Variants in DAW1 observed in about 807,000 individuals in gnomAD.
The protein encoded by DAW1 is dynein assembly factor with WD repeat domains 1.
In DAW1, 47 loss-of-function variants were observed where a neutral mutation model predicts 56.5. That is an observed-to-expected ratio of 0.83 (90% CI 0.66 to 1.06). DAW1 has a LOEUF of 1.06. Among genes scored for constraint, DAW1 ranks in the 50% least tolerant of loss-of-function variants. The pLI, the probability that DAW1 is intolerant of heterozygous loss-of-function variation, is 0.00. For missense variants in DAW1, 505 were observed against 499.3 expected (o/e 1.01, Z -0.11); for synonymous variants, 190 against 179.0 (o/e 1.06, Z -0.49).
intron 2 of DAW1, among the ~76,000 whole-genome samples, chr2:227,887,349 G>C (rs995499325): frequency 1.3e-5 from 2 of 152,164 alleles, no homozygotes; most frequent in African/African-American, 4.8e-5. Context: ...CTAGCATGCA[G>C]GAAGTTTCTT....
rs761876327 is a variant in DAW1 at position 227,889,910 on chromosome 2, A to G, written c.168A>G (p.Thr56=). 6.2e-7 allele frequency: 1 copy of G among 1,611,166 alleles called. No homozygotes were observed. Among genetic ancestry groups the G allele is most frequent in the African/African-American group, 1.3e-5 (1 of 74,880 alleles). Residue 56 remains threonine, a synonymous_variant, in exon 3 of 13, where the codon ACA becomes ACG. Coordinates refer to ENST00000309931, the MANE Select transcript of DAW1 (RefSeq NM_178821.3). ...EEIQKAEPLL[T]ASRTEQVKLL... The stretch of plus-strand genomic sequence containing the variant: ...TCCAGAAGGCAGAACCTCTACTCAC[A>G]GCTTCACGAACAGAGCAAGTCAAAC...
intron 1 of DAW1, among the ~76,000 whole-genome samples, chr2:227,875,177 A>G (rs1336024808): frequency 1.3e-5 from 2 of 151,984 alleles, no homozygotes; most frequent in East Asian, 3.9e-4. Context: ...TCTCTCTCTC[A>G]TCTCCACATC....
intron 10 of DAW1, among the ~76,000 whole-genome samples, chr2:227,907,759 G>C (rs1691721173): frequency 6.6e-6 from 1 of 152,162 alleles, no homozygotes; most frequent in African/African-American, 2.4e-5. Context: ...TGTTGGCCAG[G>C]CTGGTCTCGA....
chr2:227,889,776 A>G (rs1466111755), intron 2 of DAW1, 80 bp from the exon 3 acceptor site: 4 of 1,194,628 alleles, frequency 3.3e-6, no homozygotes, highest in Non-Finnish European at 4.5e-6. Context: ...ATGAAGCAAT[A>G]CAATCAATTC....
chr2:227,920,566 G>A (rs1692081222), intron 11 of DAW1, among the ~76,000 whole-genome samples: 1 of 152,156 alleles, frequency 6.6e-6, no homozygotes, highest in South Asian at 2.1e-4. Flanking sequence ...TACTTGGGGT[G>A]GCAGTAGATG....
At chr2:227,922,466 G>T (rs1480140603) in intron 12 of DAW1, among the ~76,000 whole-genome samples, 1 of 152,234 alleles carries the variant, frequency 6.6e-6, no homozygotes, top group Non-Finnish European at 1.5e-5. Context: ...GGCCTTGGCA[G>T]GGAATGGGTG....
chr2:227,913,656 T>C (rs1691880730), intron 10 of DAW1, among the ~76,000 whole-genome samples: 1 of 152,184 alleles, frequency 6.6e-6, no homozygotes, highest in African/African-American at 2.4e-5. Context: ...ATCCCACTGA[T>C]AACCATGTGA....
intron 3 of DAW1, among the ~76,000 whole-genome samples, chr2:227,890,252 A>G (rs538137270): frequency 6.6e-6 from 1 of 152,006 alleles, no homozygotes; most frequent in Non-Finnish European, 1.5e-5. Flanking sequence ...TTAAAGGGTT[A>G]TTATTATTAA....
chr2:227,885,240 A>C lies in DAW1; in HGVS notation c.41-111A>C, dbSNP rs1029462916. 8.3e-6 allele frequency: 6 copies of C among 721,464 alleles called. No homozygotes were observed. The African/African-American group carries it at 1.1e-4, about 13-fold the overall frequency. 44.7% of individuals were successfully genotyped at this position (721,464 alleles called of 1,614,324 possible). A position where few individuals can be genotyped will look rare whatever the true frequency, so the allele number is the denominator to read the frequency against. On this transcript the variant is annotated intron_variant, in intron 1 of 12. Coordinates refer to ENST00000309931, the MANE Select transcript of DAW1 (RefSeq NM_178821.3). ...GATATCACTGCTTATTTTTTGTTAA[A>C]AAATTAAAAATTTTAAAAATAAAAA...
chr2:227,924,312 A>G lies in DAW1; in HGVS notation c.*344A>G, dbSNP rs1487054121. ...GGATTTTACTTTGAAGCCTATTGTT[A>G]TAATTTCTGTTGAATAAAGTGTTTG... On this transcript the variant is annotated 3_prime_UTR_variant, in exon 13 of 13. Coordinates refer to ENST00000309931, the MANE Select transcript of DAW1 (RefSeq NM_178821.3). The G allele has an allele frequency of 1.4e-5, 4 of 278,996 alleles. No individual in the cohort carries two copies. Among genetic ancestry groups the G allele is most frequent in the Non-Finnish European group, 2.7e-5 (4 of 147,340 alleles). The allele number at this position is 278,996 out of a possible 1,614,324, so 17.3% of individuals were successfully genotyped here.
intron 11 of DAW1, among the ~76,000 whole-genome samples, chr2:227,921,008 GACACCA>G (rs539430582): frequency 7.4e-4 from 112 of 152,296 alleles, no homozygotes; most frequent in African/African-American, 2.6e-3. Flanking sequence ...CCACAAAGAT[GACACCA>G]GGGTTTGGCT....
intron 11 of DAW1, among the ~76,000 whole-genome samples, chr2:227,920,066 G>A (rs1258204301): frequency 6.6e-6 from 1 of 152,166 alleles, no homozygotes. Context: ...GGATGAGGAG[G>A]AAGCCTGGCC....
At chr2:227,909,262 A>G (rs57822202) in intron 10 of DAW1, among the ~76,000 whole-genome samples, 9 of 139,692 alleles carry the variant, frequency 6.4e-5, no homozygotes, top group East Asian at 2.1e-4. Flanking sequence ...CTATCTATCT[A>G]TCTATCTATC....
chr2:227,905,475 T>G (rs1484350352), intron 8 of DAW1, among the ~76,000 whole-genome samples: 2 of 152,204 alleles, frequency 1.3e-5, no homozygotes, highest in African/African-American at 4.8e-5. Context: ...ATATTTGTGT[T>G]GGAAAACTCT....
At chr2:227,906,431 T>G (rs1691684623) in intron 9 of DAW1, 93 bp downstream of exon 9, 1 of 848,852 alleles carries the variant, frequency 1.2e-6, no homozygotes, top group Non-Finnish European at 1.7e-6. Flanking sequence ...ATTTCAAAGA[T>G]GATATAAAAT....
chr2:227,918,892 T>C (rs1422188684), intron 11 of DAW1, 36 bp downstream of exon 11: 2 of 1,608,264 alleles, frequency 1.2e-6, no homozygotes, highest in East Asian at 4.5e-5. Flanking sequence ...GTTTATTTAC[T>C]TTCAAAAAAT....
At chr2:227,910,117 C>A (rs1691779647) in intron 10 of DAW1, among the ~76,000 whole-genome samples, 1 of 152,024 alleles carries the variant, frequency 6.6e-6, no homozygotes, top group South Asian at 2.1e-4. Context: ...TGATATTGTA[C>A]TATGACAATT....
At chr2:227,907,613 T>A (rs1393973460) in intron 10 of DAW1, among the ~76,000 whole-genome samples, 1 of 152,170 alleles carries the variant, frequency 6.6e-6, no homozygotes, top group African/African-American at 2.4e-5. Context: ...AGTGGTGCGA[T>A]CTCGGCTCAA....
intron 5 of DAW1, among the ~76,000 whole-genome samples, chr2:227,896,407 T>A (rs774272976): frequency 1.4e-4 from 22 of 151,942 alleles, no homozygotes; most frequent in Admixed American, 1.4e-3. Context: ...GTTGGGGAGG[T>A]GAGGGATACT....
Sources: allele counts gnomAD v4.1 joint callset (sites outside exome capture counted in the v4.1 genomes callset), GRCh38; gene constraint gnomAD v4.1.1; transcripts MANE v1.5; gene names NCBI Gene and HGNC (gene_info 2026-07-23, HGNC 2026-07-21).